The following DOCK3 variants were observed in gnomAD, a reference collection of about 807,000 sequenced individuals.
DOCK3 encodes dedicator of cytokinesis protein 3.
DOCK3 carries 60 observed loss-of-function variants against 265.6 expected under a neutral mutation model. That is an observed-to-expected ratio of 0.23 (90% CI 0.18 to 0.28). The LOEUF (loss-of-function observed/expected upper bound fraction) is 0.28, where lower values mean the gene tolerates loss of function less well. Among genes scored for constraint, DOCK3 ranks in the 10% least tolerant of loss-of-function variants. The pLI, the probability that DOCK3 is intolerant of heterozygous loss-of-function variation, is 1.00. For missense variants in DOCK3, 1,981 were observed against 2,594.3 expected (o/e 0.76, Z 5.14); for synonymous variants, 881 against 938.0 (o/e 0.94, Z 1.11).
chr3:51,239,037 C>T (rs1005405345), intron 21 of DOCK3, among the ~76,000 whole-genome samples: 4 of 152,070 alleles, frequency 2.6e-5, no homozygotes, highest in Non-Finnish European at 4.4e-5. Flanking sequence ...ATTGCCACAC[C>T]GCTTTCCACA....
chr3:51,135,425 G>A (rs944129558), intron 9 of DOCK3, among the ~76,000 whole-genome samples: 1 of 152,176 alleles, frequency 6.6e-6, no homozygotes, highest in Non-Finnish European at 1.5e-5. Context: ...TGCTTCTCAA[G>A]TTTGAACTTT....
chr3:50,957,916 A>G (rs1406348458), intron 5 of DOCK3, among the ~76,000 whole-genome samples: 2 of 152,288 alleles, frequency 1.3e-5, no homozygotes, highest in Middle Eastern at 3.4e-3. Flanking sequence ...TCCCTAGTTT[A>G]TTCTATTTTT....
At chr3:50,940,640 GA>G (rs1197195398) in intron 5 of DOCK3, among the ~76,000 whole-genome samples, 2 of 152,162 alleles carry the variant, frequency 1.3e-5, no homozygotes, top group African/African-American at 4.8e-5. Flanking sequence ...AAACAATTTT[GA>G]AAAGAATAAT....
intron 12 of DOCK3, among the ~76,000 whole-genome samples, chr3:51,205,001 C>A (rs1271781792): frequency 1.3e-5 from 2 of 151,296 alleles, no homozygotes; most frequent in African/African-American, 4.9e-5. Context: ...GAACATCACA[C>A]TCTGGGGACT....
intron 2 of DOCK3, among the ~76,000 whole-genome samples, chr3:50,806,481 A>T (rs1343025626): frequency 6.7e-6 from 1 of 150,150 alleles, no homozygotes; most frequent in Non-Finnish European, 1.5e-5. Flanking sequence ...CCCAGGGAAT[A>T]TTGGCTCCTT....
intron 12 of DOCK3, among the ~76,000 whole-genome samples, chr3:51,205,029 G>A (rs1004057019): frequency 6.6e-6 from 1 of 152,030 alleles, no homozygotes; most frequent in East Asian, 1.9e-4. Context: ...GGTGGGGGTA[G>A]GGGGGAGGGA....
At chr3:51,362,698 G>T in intron 49 of DOCK3, 24 bp downstream of exon 49, 3 of 1,609,252 alleles carry the variant, frequency 1.9e-6, no homozygotes, top group Non-Finnish European at 2.5e-6. Context: ...GGTGCTACTT[G>T]CAGAATGGAG....
chr3:51,033,202 G>A (rs964195205), intron 5 of DOCK3, among the ~76,000 whole-genome samples: 1 of 152,164 alleles, frequency 6.6e-6, no homozygotes, highest in Non-Finnish European at 1.5e-5. Flanking sequence ...ATGAGCAAGA[G>A]CATTGTCATA....
chr3:50,965,956 T>G (rs1355687194), intron 5 of DOCK3, among the ~76,000 whole-genome samples: 1 of 152,148 alleles, frequency 6.6e-6, no homozygotes, highest in Non-Finnish European at 1.5e-5. Flanking sequence ...ACTGAAAGTT[T>G]GTATCCTTTG....
chr3:50,768,875 G>A (rs1322656193), intron 1 of DOCK3, among the ~76,000 whole-genome samples: 2 of 152,152 alleles, frequency 1.3e-5, no homozygotes, highest in Non-Finnish European at 2.9e-5. Context: ...TCCACCAGCA[G>A]TGTATGAGAG....
chr3:50,845,441 T>C lies in DOCK3; in HGVS notation c.162+3726T>C, dbSNP rs930577052. ...ACAGAATGCGTAGTATTCTGTGAGA[T>C]AGGAACAGGGCCTTATGGAATGTTT... is the stretch of plus-strand genomic sequence containing the variant. On this transcript the variant is annotated intron_variant, in intron 3 of 52. Coordinates refer to ENST00000266037, the MANE Select transcript of DOCK3 (RefSeq NM_004947.5). 2.0e-5 allele frequency among the ~76,000 whole-genome samples: 3 copies of C among 152,128 alleles called. No individual in the cohort carries two copies. The South Asian group carries it at 6.2e-4, about 32-fold the overall frequency.
At chr3:51,126,507 T>G (rs1560097441) in intron 9 of DOCK3, among the ~76,000 whole-genome samples, 1 of 152,206 alleles carries the variant, frequency 6.6e-6, no homozygotes, top group Non-Finnish European at 1.5e-5. Context: ...CTTCTCGTCC[T>G]CCAGCGTCCT....
intron 27 of DOCK3, among the ~76,000 whole-genome samples, chr3:51,288,525 C>A (rs2081544332): frequency 6.6e-6 from 1 of 151,978 alleles, no homozygotes. Context: ...GTATAATAAT[C>A]TGGACACCAA....
intron 5 of DOCK3, among the ~76,000 whole-genome samples, chr3:50,975,881 G>A (rs1359811283): frequency 1.3e-5 from 2 of 150,434 alleles, no homozygotes; most frequent in African/African-American, 2.4e-5. Context: ...GAGAGTGTAT[G>A]TGTCGAGGAA....
At chr3:51,115,330 C>T (rs1424255000) in intron 9 of DOCK3, among the ~76,000 whole-genome samples, 1 of 151,806 alleles carries the variant, frequency 6.6e-6, no homozygotes, top group Admixed American at 6.6e-5. Flanking sequence ...TTTTAATGAT[C>T]GTCATTCTAA....
At chr3:51,024,413 A>C (rs888185148) in intron 5 of DOCK3, among the ~76,000 whole-genome samples, 2 of 152,178 alleles carry the variant, frequency 1.3e-5, no homozygotes, top group Non-Finnish European at 2.9e-5. Context: ...AGCTAAAGCA[A>C]GTTGGTAGAT....
intron 3 of DOCK3, among the ~76,000 whole-genome samples, chr3:50,849,797 T>C (rs951308784): frequency 6.6e-6 from 1 of 152,130 alleles, no homozygotes; most frequent in Admixed American, 6.5e-5. Flanking sequence ...AAAAGCATAC[T>C]TGTCAGCTAG....
Position 51,208,878 on chromosome 3 carries a change from G to T in DOCK3, c.1126+16G>T, listed in dbSNP as rs1235341755. On this transcript the variant is annotated intron_variant, in intron 13 of 52. Coordinates refer to ENST00000266037, the MANE Select transcript of DOCK3 (RefSeq NM_004947.5). ...GCCAGCCATGGTGAGATACTTCTCT[G>T]ACTAGAACATTTTGTGTTACATTTG... is the stretch of plus-strand genomic sequence containing the variant. 1.2e-6 allele frequency: 2 copies of T among 1,600,390 alleles called. No individual in the cohort carries two copies. Among genetic ancestry groups the T allele is most frequent in the Non-Finnish European group, 1.7e-6 (2 of 1,173,162 alleles).
chr3:51,011,392 A>G (rs895091681), intron 5 of DOCK3, among the ~76,000 whole-genome samples: 29 of 152,128 alleles, frequency 1.9e-4, no homozygotes, highest in African/African-American at 6.3e-4. Flanking sequence ...AGTCACTGAT[A>G]CCCTTTCTTC....
Sources: gnomAD v4.1 joint callset for allele counts (sites outside exome capture counted in the v4.1 genomes callset) on GRCh38, gnomAD v4.1.1 for gene constraint, MANE v1.5 for transcripts, NCBI Gene and HGNC (gene_info 2026-07-23, HGNC 2026-07-21) for gene names.